The following TP53BP1 variants were observed in gnomAD, a reference collection of about 807,000 sequenced individuals.
The protein encoded by TP53BP1 is tumor protein p53 binding protein 1, also known as TP53-binding protein 1.
A neutral mutation model predicts 200.8 loss-of-function variants in TP53BP1; 61 were observed. The observed-to-expected ratio is 0.30, with a 90% CI of 0.25 to 0.38. The LOEUF (loss-of-function observed/expected upper bound fraction) is 0.38, where lower values mean the gene tolerates loss of function less well. TP53BP1 is among the 10% of genes least tolerant of loss of function. TP53BP1 has a pLI of 1.00. For missense variants in TP53BP1, 2,144 were observed against 2,371.9 expected (o/e 0.90, Z 2.00); for synonymous variants, 822 against 844.3 (o/e 0.97, Z 0.46).
chr15:43,465,858 T>C (rs868727096), intron 11 of TP53BP1, among the ~76,000 whole-genome samples: 1 of 152,158 alleles, frequency 6.6e-6, no homozygotes, highest in African/African-American at 2.4e-5. Context: ...TCTGGCCATG[T>C]TGCCCAGGCT....
At chr15:43,486,910 G>C (rs2079054820) in intron 4 of TP53BP1, among the ~76,000 whole-genome samples, 1 of 152,138 alleles carries the variant, frequency 6.6e-6, no homozygotes, top group South Asian at 2.1e-4. Context: ...ATAGGCCTGA[G>C]CCACTGCACC....
At position 43,409,759 on chromosome 15, in the gene TP53BP1, A is replaced by G; in HGVS notation, c.5306-18T>C. ...CAAAAATTCTATATTAAAAAAAAAA[A>G]CCAAGATAATAATTACTGAGTGGTT... On this transcript the variant is annotated intron_variant, in intron 24 of 27. Coordinates refer to ENST00000382044, the MANE Select transcript of TP53BP1 (RefSeq NM_001141980.3). 8.6e-7 allele frequency: 1 copy of G among 1,167,852 alleles called. No homozygotes were observed. Among genetic ancestry groups the G allele is most frequent in the Admixed American group, 2.4e-5 (1 of 42,180 alleles). The allele number at this position is 1,167,852 out of a possible 1,614,324, so 72.3% of individuals were successfully genotyped here.
At position 43,406,521 on chromosome 15, in the gene TP53BP1, C is replaced by A; in HGVS notation, c.*862G>T. 1 of 449,522 alleles carries A rather than the reference C, an allele frequency of 2.2e-6. No individual in the cohort carries two copies. The highest frequency in any genetic ancestry group is 4.5e-6 in the Non-Finnish European group (1 of 224,494). The allele number at this position is 449,522 out of a possible 1,614,324, so 27.8% of individuals were successfully genotyped here. ...CTCATTGTCTATGGTTGCTTTCATG[C>A]CCTCACAGCAAAGGCGAGTAGTTGT... On this transcript the variant is annotated 3_prime_UTR_variant, in exon 28 of 28. Transcript: ENST00000382044.
rs2079151361 is a variant in TP53BP1, at chr15:43,493,054, G to A, written c.-11C>T. On this transcript the variant is annotated 5_prime_UTR_variant, in exon 1 of 28. Transcript: ENST00000382044. ...AACAGTACCAGGCATCCCGGCGGGA[G>A]GTCCCTCGCGCTCGAGCTAGAGGTC... is the stretch of plus-strand genomic sequence containing the variant. 3.1e-6 allele frequency: 5 copies of A among 1,613,070 alleles called. No homozygotes were observed. Among genetic ancestry groups the A allele is most frequent in the South Asian group, 1.1e-5 (1 of 90,964 alleles).
chr15:43,430,067 CACTT>C (rs2045635138), intron 17 of TP53BP1, among the ~76,000 whole-genome samples: 1 of 152,162 alleles, frequency 6.6e-6, no homozygotes, highest in African/African-American at 2.4e-5. Flanking sequence ...TATGTTTACT[CACTT>C]CAAATACTCT....
chr15:43,479,109 A>G (rs1281770240), intron 7 of TP53BP1, among the ~76,000 whole-genome samples: 1 of 152,180 alleles, frequency 6.6e-6, no homozygotes, highest in Non-Finnish European at 1.5e-5. Context: ...AGATAAGATT[A>G]GTAGTCAAGT....
chr15:43,491,192 T>A (rs903661490), intron 4 of TP53BP1, among the ~76,000 whole-genome samples: 13 of 152,002 alleles, frequency 8.6e-5, no homozygotes, highest in Admixed American at 8.5e-4. Flanking sequence ...GCAACTCTCC[T>A]GCCTCAGCCT....
At chr15:43,461,884 G>A (rs1333254073) in intron 11 of TP53BP1, among the ~76,000 whole-genome samples, 1 of 151,278 alleles carries the variant, frequency 6.6e-6, no homozygotes, top group African/African-American at 2.4e-5. Flanking sequence ...TGGCCAGGCC[G>A]GTCTCAAACT....
chr15:43,407,619 C>G, intron 27 of TP53BP1, 49 bp from the exon 28 acceptor site: 1 of 1,539,754 alleles, frequency 6.5e-7, no homozygotes, highest in Non-Finnish European at 8.8e-7. Flanking sequence ...TCAACTTAGC[C>G]CTCCATTAGA....
chr15:43,427,689 C>T (rs1439383971), intron 18 of TP53BP1, among the ~76,000 whole-genome samples: 1 of 152,152 alleles, frequency 6.6e-6, no homozygotes, highest in African/African-American at 2.4e-5. Context: ...GGGACAATAG[C>T]TCATGCCTGT....
In TP53BP1 at chr15:43,405,070, C is replaced by A; in HGVS notation, c.*2313G>T. On this transcript the variant is annotated 3_prime_UTR_variant, in exon 28 of 28. Transcript: ENST00000382044. The stretch of plus-strand genomic sequence containing the variant: ...CAGATTTTTTTCTAAGCTATTGTAG[C>A]AGAAGAGTCAAAAGAAACTCTTCAG... The A allele has an allele frequency of 1.0e-6, 1 of 1,000,684 alleles. No homozygotes were observed. Among genetic ancestry groups the A allele is most frequent in the Non-Finnish European group, 1.5e-6 (1 of 662,834 alleles). The allele number at this position is 1,000,684 out of a possible 1,614,324, so 62.0% of individuals were successfully genotyped here.
chr15:43,492,156 C>T lies in TP53BP1; in HGVS notation c.193-61G>A, dbSNP rs981009823. 10 of 1,504,152 alleles carry T rather than the reference C, an allele frequency of 6.6e-6. No homozygotes were observed. The African/African-American group carries it at 1.1e-4, about 17-fold the overall frequency. The allele number at this position is 1,504,152 out of a possible 1,614,324, so 93.2% of individuals were successfully genotyped here. The stretch of plus-strand genomic sequence containing the variant: ...ATGAAATAGTTCAAAATGAAACCTA[C>T]TATTTGTGAACAATTTTTCCAATCA... On this transcript the variant is annotated intron_variant, in intron 2 of 27. Transcript: ENST00000382044.
chr15:43,463,804 C>T (rs1237918129), intron 11 of TP53BP1, among the ~76,000 whole-genome samples: 3 of 152,116 alleles, frequency 2.0e-5, no homozygotes, highest in African/African-American at 7.2e-5. Context: ...CAGAGTGTCC[C>T]AGGACTGGCA....
At chr15:43,429,106 C>T (rs2045616517) in intron 17 of TP53BP1, among the ~76,000 whole-genome samples, 1 of 152,152 alleles carries the variant, frequency 6.6e-6, no homozygotes, top group African/African-American at 2.4e-5. Flanking sequence ...CATCCAGCTT[C>T]ATTATTTCTT....
intron 18 of TP53BP1, among the ~76,000 whole-genome samples, chr15:43,425,707 G>A (rs1017842912): frequency 6.6e-6 from 1 of 152,130 alleles, no homozygotes; most frequent in Non-Finnish European, 1.5e-5. Context: ...GTTTAATGTG[G>A]ACTACAACAG....
intron 4 of TP53BP1, among the ~76,000 whole-genome samples, 176 bp from the exon 5 acceptor site, chr15:43,481,198 A>G (rs557077475): frequency 6.2e-4 from 95 of 152,256 alleles, no homozygotes; most frequent in Non-Finnish European, 3.2e-4. Context: ...ACAATTCAAC[A>G]TCCTACACAG....
intron 10 of TP53BP1, among the ~76,000 whole-genome samples, chr15:43,474,455 C>CAAAAAA (rs398043214): frequency 5.1e-5 from 4 of 79,108 alleles, no homozygotes; most frequent in Admixed American, 1.3e-4. Flanking sequence ...TGGGGTTAGA[C>CAAAAAA]AAAAAAAAAA....
At chr15:43,460,012 G>A (rs2046393225) in intron 11 of TP53BP1, among the ~76,000 whole-genome samples, 1 of 152,122 alleles carries the variant, frequency 6.6e-6, no homozygotes, top group Admixed American at 6.6e-5. Flanking sequence ...TTAGGGTGAG[G>A]GAACTGCTCT....
chr15:43,436,069 A>G (rs1337382400), intron 16 of TP53BP1, among the ~76,000 whole-genome samples: 1 of 151,646 alleles, frequency 6.6e-6, no homozygotes, highest in African/African-American at 2.4e-5. Context: ...TCGGCTCACT[A>G]TAACCTCCAC....
Sources: gnomAD v4.1 joint callset for allele counts (sites outside exome capture counted in the v4.1 genomes callset) on GRCh38, gnomAD v4.1.1 for gene constraint, MANE v1.5 for transcripts, NCBI Gene and HGNC (gene_info 2026-07-23, HGNC 2026-07-21) for gene names.